Variants in KHDRBS3 observed in about 807,000 individuals in gnomAD.
The protein encoded by KHDRBS3 is KH RNA binding domain containing, signal transduction associated 3, also known as KH domain-containing, RNA-binding, signal transduction-associated protein 3.
Under a neutral mutation model 45.6 loss-of-function variants are expected in KHDRBS3, and 23 were observed. The observed-to-expected ratio is 0.50, with a 90% CI of 0.36 to 0.72. KHDRBS3 has a LOEUF of 0.72. Ranked by LOEUF, KHDRBS3 falls within the 30% of genes least tolerant of loss-of-function variation. The pLI, the probability that KHDRBS3 is intolerant of heterozygous loss-of-function variation, is 0.00. For synonymous variants in KHDRBS3, 162 were observed against 156.5 expected (o/e 1.04, Z -0.26); for missense variants, 352 against 424.8 (o/e 0.83, Z 1.51).
At chr8:135,458,081 C>T (rs1191296144) in intron 1 of KHDRBS3, 127 bp downstream of exon 1, 3 of 1,394,968 alleles carry the variant, frequency 2.2e-6, no homozygotes, top group African/African-American at 3.1e-5. Flanking sequence ...CCCGGGTGGC[C>T]CCCGGGGTCG....
Position 135,457,958 on chromosome 8 carries a change from A to C in KHDRBS3, c.88+4A>C, listed in dbSNP as rs2130027023. Reference sequence around the variant, plus strand: ...GCCCTGCGCCTGGTGAACCAAGGTGAGGCGCCGGCCGTTAACTGCCGGCCG... The same window carrying C: ...GCCCTGCGCCTGGTGAACCAAGGTGCGGCGCCGGCCGTTAACTGCCGGCCG... On this transcript the variant is annotated splice_donor_region_variant and intron_variant, in intron 1 of 8. Transcript: ENST00000355849. The surrounding 1 kb of genome is among the most constrained non-coding windows in gnomAD (Gnocchi z 4.4). 3 of 1,587,754 alleles carry C rather than the reference A, an allele frequency of 1.9e-6. No homozygotes were observed. The East Asian group carries it at 7.0e-5, about 37-fold the overall frequency.
chr8:135,463,126 G>A (rs1159172984), intron 1 of KHDRBS3, among the ~76,000 whole-genome samples: 1 of 152,050 alleles, frequency 6.6e-6, no homozygotes, highest in African/African-American at 2.4e-5. Flanking sequence ...TGCTTTGTTT[G>A]GATCTTTGTC....
intron 1 of KHDRBS3, among the ~76,000 whole-genome samples, chr8:135,480,499 T>G (rs1002765826): frequency 6.6e-6 from 1 of 152,170 alleles, no homozygotes; most frequent in Non-Finnish European, 1.5e-5. Flanking sequence ...TAGTATATAC[T>G]TTACTGGATT....
intron 1 of KHDRBS3, among the ~76,000 whole-genome samples, chr8:135,480,640 T>TA (rs968072991): frequency 2.1e-4 from 32 of 152,084 alleles, no homozygotes; most frequent in African/African-American, 6.0e-4. Context: ...GTGGAAGATG[T>TA]AAAAAAGGTA....
rs1420650260 is a variant in KHDRBS3, at chr8:135,603,492, T to C, written c.808-3463T>C. On this transcript the variant is annotated intron_variant, in intron 6 of 8. Coordinates refer to ENST00000355849, the MANE Select transcript of KHDRBS3 (RefSeq NM_006558.3). ...ATCATACTCAAATTAGTAATCTGCC[T>C]TCAGCTACTATGAAGAACACTGTGG... is the stretch of plus-strand genomic sequence containing the variant. Among the ~76,000 whole-genome samples, 4 of 152,242 alleles carry C rather than the reference T, an allele frequency of 2.6e-5. No homozygotes were observed. In the East Asian group the frequency reaches 7.7e-4, roughly 29 times the overall value.
Position 135,496,185 on chromosome 8 carries a change from C to T in KHDRBS3, c.89-25052C>T, listed in dbSNP as rs200063021. On this transcript the variant is annotated intron_variant, in intron 1 of 8. Transcript: ENST00000355849. ...GAAAACTGTAGAGAGAGGGAAAGGT[C>T]ATGCAAAAAAAAAATAGCAAAAGAT... Among the ~76,000 whole-genome samples, 49 of 92,024 alleles carry T rather than the reference C, an allele frequency of 5.3e-4. 1 individual carries two copies. In the East Asian group the frequency reaches 0.02, roughly 37 times the overall value. The allele number at this position is 92,024 out of a possible 152,430, so 60.4% of individuals were successfully genotyped here.
chr8:135,611,334 C>T, intron 7 of KHDRBS3, among the ~76,000 whole-genome samples: 1 of 151,950 alleles, frequency 6.6e-6, no homozygotes, highest in East Asian at 1.9e-4. Flanking sequence ...GTACAGTTTA[C>T]ACAAAGGAGA....
intron 5 of KHDRBS3, 35 bp from the exon 6 acceptor site, chr8:135,581,843 G>A: frequency 6.8e-7 from 1 of 1,465,886 alleles, no homozygotes; most frequent in Non-Finnish European, 9.2e-7. Context: ...TAGAGACTAT[G>A]ATAGATACTG....
At chr8:135,585,134 T>C (rs1586759556) in intron 6 of KHDRBS3, among the ~76,000 whole-genome samples, 1 of 135,816 alleles carries the variant, frequency 7.4e-6, no homozygotes. Flanking sequence ...GAGGCTGAGG[T>C]GGGAGAATTG....
chr8:135,577,198 A>G (rs1299356187), intron 5 of KHDRBS3, among the ~76,000 whole-genome samples: 1 of 151,988 alleles, frequency 6.6e-6, no homozygotes, highest in Non-Finnish European at 1.5e-5. Context: ...CATATGCTTT[A>G]ACCTAGTTAA....
chr8:135,547,469 C>T (rs1266363852), intron 3 of KHDRBS3, among the ~76,000 whole-genome samples: 1 of 152,178 alleles, frequency 6.6e-6, no homozygotes, highest in South Asian at 2.1e-4. Flanking sequence ...GGATTACATA[C>T]AGTCTGTCTA....
At chr8:135,604,384 T>C (rs1829359795) in intron 6 of KHDRBS3, among the ~76,000 whole-genome samples, 1 of 152,032 alleles carries the variant, frequency 6.6e-6, no homozygotes, top group Non-Finnish European at 1.5e-5. Flanking sequence ...TTTCTTCCTT[T>C]TAATAGGTGT....
At chr8:135,577,713 A>G (rs1290693206) in intron 5 of KHDRBS3, among the ~76,000 whole-genome samples, 1 of 152,136 alleles carries the variant, frequency 6.6e-6, no homozygotes, top group Non-Finnish European at 1.5e-5. Context: ...TTTATGTGAA[A>G]GTTTTTATGT....
intron 6 of KHDRBS3, among the ~76,000 whole-genome samples, chr8:135,605,225 C>A (rs1427496269): frequency 6.6e-6 from 1 of 151,876 alleles, no homozygotes; most frequent in Middle Eastern, 3.2e-3. Flanking sequence ...AATCTCTATT[C>A]CTTTCTATTT....
chr8:135,645,001 A>G (rs186584275), intron 7 of KHDRBS3, 58 bp from the exon 8 acceptor site: 1 of 1,551,800 alleles, frequency 6.4e-7, no homozygotes, highest in East Asian at 2.2e-5. Context: ...GTTATTGAAT[A>G]CTGTTGAAAC....
At chr8:135,498,148 A>G (rs1823553797) in intron 1 of KHDRBS3, among the ~76,000 whole-genome samples, 1 of 152,202 alleles carries the variant, frequency 6.6e-6, no homozygotes, top group South Asian at 2.1e-4. Context: ...AAAAAAATAC[A>G]GTTCTATCTA....
intron 4 of KHDRBS3, among the ~76,000 whole-genome samples, chr8:135,653,806 C>T (rs1314037768): frequency 1.3e-5 from 2 of 152,170 alleles, no homozygotes; most frequent in Non-Finnish European, 2.9e-5. Flanking sequence ...GACATAACCC[C>T]ATCCTAAGAT....
chr8:135,622,110 C>T (rs1035373034), intron 7 of KHDRBS3, among the ~76,000 whole-genome samples: 1 of 152,134 alleles, frequency 6.6e-6, no homozygotes, highest in Non-Finnish European at 1.5e-5. Flanking sequence ...AGTTTTCCAT[C>T]ATAACTGCAA....
rs909047318 is a variant in KHDRBS3, at chr8:135,535,389, T to A, written c.208-7265T>A. On this transcript the variant is annotated intron_variant, in intron 2 of 8. Transcript: ENST00000355849. ...ACTATATATAAACTATTATATATAG[T>A]TAAACTATATATAAACTATTATATA... 2.8e-5 allele frequency among the ~76,000 whole-genome samples: 3 copies of A among 105,892 alleles called. No individual in the cohort carries two copies. In the East Asian group the frequency reaches 1.0e-3, roughly 35 times the overall value. The allele number at this position is 105,892 out of a possible 152,430, so 69.5% of individuals were successfully genotyped here. A position where few individuals can be genotyped will look rare whatever the true frequency, so the allele number is the denominator to read the frequency against.
Sources: gnomAD v4.1 joint callset for allele counts (sites outside exome capture counted in the v4.1 genomes callset) on GRCh38, gnomAD v4.1.1 for gene constraint, Gnocchi (gnomAD v3.1) non-coding constraint, MANE v1.5 for transcripts, NCBI Gene and HGNC (gene_info 2026-07-23, HGNC 2026-07-21) for gene names.